The following PPP2R3A variants were observed in gnomAD, a reference collection of about 807,000 sequenced individuals.
The protein encoded by PPP2R3A is protein phosphatase 2 regulatory subunit B''alpha.
PPP2R3A carries 80 observed loss-of-function variants against 106.9 expected under a neutral mutation model. The observed-to-expected ratio is 0.75, with a 90% confidence interval of 0.62 to 0.90. The LOEUF is 0.90. PPP2R3A is among the 40% of genes least tolerant of loss of function. The pLI, the probability that PPP2R3A is intolerant of heterozygous loss-of-function variation, is 0.00. For synonymous variants in PPP2R3A, 483 were observed against 468.3 expected (o/e 1.03, Z -0.41); for missense variants, 1,386 against 1,350.4 (o/e 1.03, Z -0.41).
At chr3:136,137,667 G>A (rs947252864) in intron 13 of PPP2R3A, among the ~76,000 whole-genome samples, 2 of 150,214 alleles carry the variant, frequency 1.3e-5, no homozygotes, top group Non-Finnish European at 3.0e-5. Flanking sequence ...TCAGCCTACC[G>A]AGTAGCTGGG....
intron 1 of PPP2R3A, among the ~76,000 whole-genome samples, chr3:135,993,413 G>A (rs111251286): frequency 2.0e-5 from 3 of 152,220 alleles, no homozygotes; most frequent in Non-Finnish European, 4.4e-5. Flanking sequence ...CTGAAAGGAT[G>A]TAGAGCTACT....
intron 1 of PPP2R3A, among the ~76,000 whole-genome samples, chr3:135,995,693 G>C (rs1409059414): frequency 1.3e-5 from 2 of 152,044 alleles, no homozygotes; most frequent in Non-Finnish European, 2.9e-5. Flanking sequence ...GGTTGATTGT[G>C]AACTCCTGAC....
chr3:136,103,564 T>TCTAA (rs988629096), intron 12 of PPP2R3A, among the ~76,000 whole-genome samples, 188 bp downstream of exon 12: 4 of 152,246 alleles, frequency 2.6e-5, no homozygotes, highest in African/African-American at 9.6e-5. Context: ...GATCGTCAGG[T>TCTAA]CTAAGTAACC....
At chr3:136,132,004 G>A (rs1228406012) in intron 13 of PPP2R3A, among the ~76,000 whole-genome samples, 11 of 137,162 alleles carry the variant, frequency 8.0e-5, no homozygotes, top group Non-Finnish European at 1.2e-4. Context: ...ACACACCAGG[G>A]CCTGTCAGGG....
intron 10 of PPP2R3A, among the ~76,000 whole-genome samples, chr3:136,093,859 CAT>C (rs1420239416): frequency 6.6e-6 from 1 of 152,198 alleles, no homozygotes; most frequent in African/African-American, 2.4e-5. Context: ...TTAAACATAT[CAT>C]ATGACCTAGC....
chr3:136,035,375 G>A (rs1259795028), intron 3 of PPP2R3A, among the ~76,000 whole-genome samples: 1 of 152,164 alleles, frequency 6.6e-6, no homozygotes, highest in Admixed American at 6.5e-5. Context: ...TCCAGGATTT[G>A]TTTCAAGATT....
chr3:136,063,602 C>T (rs569831722), intron 5 of PPP2R3A, among the ~76,000 whole-genome samples: 299 of 152,236 alleles, frequency 2.0e-3, no homozygotes, highest in South Asian at 3.9e-3. Context: ...AAAAAGTGGA[C>T]GAAGGATATG....
At chr3:136,043,401 G>T (rs1156300026) in intron 4 of PPP2R3A, among the ~76,000 whole-genome samples, 1 of 152,148 alleles carries the variant, frequency 6.6e-6, no homozygotes, top group African/African-American at 2.4e-5. Flanking sequence ...GGAGCTTGCA[G>T]TGAGCCGAGA....
rs112697007 is a variant in PPP2R3A at position 136,145,087 on chromosome 3, T to C, written c.3374T>C (p.Phe1125Ser). Reference protein sequence around the residue: ...ETDEPASPSEFGNKSNKILSA... With the variant: ...ETDEPASPSESGNKSNKILSA... The stretch of plus-strand genomic sequence containing the variant: ...GATGAACCTGCCTCTCCCTCTGAAT[T>C]TGGAAACAAAAGCAATAAAATATTA... Residue 1125 changes from phenylalanine to serine, a missense_variant, in exon 14 of 14, where the codon TTT (phenylalanine) becomes TCT (serine). Coordinates refer to ENST00000264977, the MANE Select transcript of PPP2R3A (RefSeq NM_002718.5). 58 of 1,613,666 alleles carry C rather than the reference T, an allele frequency of 3.6e-5. 2 individuals are homozygous for C. The highest frequency in any genetic ancestry group is 3.5e-4 in the African/African-American group (26 of 74,912).
At chr3:136,074,437 C>G (rs931120773) in intron 6 of PPP2R3A, among the ~76,000 whole-genome samples, 1 of 152,100 alleles carries the variant, frequency 6.6e-6, no homozygotes, top group African/African-American at 2.4e-5. Flanking sequence ...GAGAAATAAG[C>G]CTTTGATATT....
chr3:136,089,014 T>C (rs879725997), intron 9 of PPP2R3A, among the ~76,000 whole-genome samples: 1 of 152,172 alleles, frequency 6.6e-6, no homozygotes, highest in Non-Finnish European at 1.5e-5. Flanking sequence ...TAAGAATATT[T>C]TCTCCCATTC....
At chr3:135,989,738 A>G (rs1412203033) in intron 1 of PPP2R3A, among the ~76,000 whole-genome samples, 1 of 152,084 alleles carries the variant, frequency 6.6e-6, no homozygotes, top group Non-Finnish European at 1.5e-5. Context: ...CTTACTAGAG[A>G]GTTAAATGAG....
rs1275754884 is a variant in PPP2R3A at position 136,003,047 on chromosome 3, GA to G, written c.1551del (p.Glu517AspfsTer11). 1 of 1,612,916 alleles carries G rather than the reference GA, an allele frequency of 6.2e-7. No homozygotes were observed. On this transcript the variant is annotated frameshift_variant, in exon 2 of 14. Coordinates refer to ENST00000264977, the MANE Select transcript of PPP2R3A (RefSeq NM_002718.5). LOFTEE classifies it high-confidence loss of function. ...GATAGATAAATTGTTAATGGATTTG[GA>G]ATCTTTTTCACAGAAGATGGAGACC... ...EEIDKLLMDL[E>X]SFSQKMETSL... is the part of the protein sequence containing the mutation.
At chr3:136,041,238 G>GTTTTTTTTTTTTTTTTTTTTTT (rs67116006) in intron 4 of PPP2R3A, among the ~76,000 whole-genome samples, 1 of 92,926 alleles carries the variant, frequency 1.1e-5, no homozygotes, top group African/African-American at 4.5e-5. Flanking sequence ...GGTTTTTCTT[G>GTTTTTTTTTTTTTTTTTTTTTT]TTTTTTTTTT....
intron 13 of PPP2R3A, among the ~76,000 whole-genome samples, chr3:136,113,075 G>C (rs1370352548): frequency 6.6e-6 from 1 of 152,034 alleles, no homozygotes; most frequent in East Asian, 1.9e-4. Context: ...GGAGGTTGCA[G>C]TGAGCTGGGA....
At chr3:136,140,464 A>C (rs970415314) in intron 13 of PPP2R3A, among the ~76,000 whole-genome samples, 16 of 147,528 alleles carry the variant, frequency 1.1e-4, no homozygotes, top group Admixed American at 6.8e-5. Flanking sequence ...AAAAAAAAAA[A>C]CCCGGGCTCA....
intron 1 of PPP2R3A, among the ~76,000 whole-genome samples, chr3:135,996,748 C>T (rs1933414615): frequency 6.6e-6 from 1 of 152,154 alleles, no homozygotes; most frequent in South Asian, 2.1e-4. Context: ...CAGGATCTAT[C>T]CTTACTTTTG....
intron 8 of PPP2R3A, 137 bp downstream of exon 8, chr3:136,082,558 G>C (rs1217914154): frequency 6.9e-6 from 6 of 870,724 alleles, no homozygotes; most frequent in Non-Finnish European, 1.1e-5. Flanking sequence ...ATTTTTAAGA[G>C]GGGATGAGTG....
At chr3:136,063,139 T>C (rs1463776739) in intron 5 of PPP2R3A, among the ~76,000 whole-genome samples, 1 of 152,160 alleles carries the variant, frequency 6.6e-6, no homozygotes, top group Non-Finnish European at 1.5e-5. Context: ...CATCTGATCT[T>C]TGACAAACTT....
Sources: gnomAD v4.1 joint callset for allele counts (sites outside exome capture counted in the v4.1 genomes callset) on GRCh38, gnomAD v4.1.1 for gene constraint, MANE v1.5 for transcripts, NCBI Gene and HGNC (gene_info 2026-07-23, HGNC 2026-07-21) for gene names.